The following TSHZ2 variants were observed in gnomAD, a reference collection of about 807,000 sequenced individuals.
TSHZ2 encodes the protein teashirt zinc finger homeobox 2, also known as teashirt homolog 2.
A neutral mutation model predicts 74.4 loss-of-function variants in TSHZ2; 21 were observed. The ratio of observed to expected loss-of-function variants is 0.28; its 90% CI spans 0.20 to 0.41. The LOEUF (loss-of-function observed/expected upper bound fraction) is 0.41. Ranked by LOEUF, TSHZ2 falls within the 10% of genes least tolerant of loss-of-function variation. The pLI, the probability that TSHZ2 is intolerant of heterozygous loss-of-function variation, is 1.00. For missense variants in TSHZ2, 1,244 were observed against 1,293.5 expected, an observed-to-expected ratio of 0.96 and a Z score of 0.59; for synonymous variants, 540 against 515.3, an observed-to-expected ratio of 1.05 and a Z score of -0.65.
intron 2 of TSHZ2, among the ~76,000 whole-genome samples, chr20:53,392,666 T>C (rs1003027200): frequency 1.3e-5 from 2 of 152,124 alleles, no homozygotes; most frequent in Non-Finnish European, 2.9e-5. Context: ...AATTCCAACA[T>C]GGATTCTTTT....
At chr20:53,458,995 T>G (rs1985234563) in intron 2 of TSHZ2, among the ~76,000 whole-genome samples, 1 of 152,182 alleles carries the variant, frequency 6.6e-6, no homozygotes, top group Non-Finnish European at 1.5e-5. Flanking sequence ...ATGTGGTCAA[T>G]TTTGGAATAG....
At position 53,254,458 on chromosome 20, in the gene TSHZ2, G is replaced by A. The variant is rs376802086; in HGVS notation, c.1000G>A (p.Asp334Asn). The A allele has an allele frequency of 1.9e-5, 30 of 1,613,674 alleles. No homozygotes were observed. Among genetic ancestry groups the A allele is most frequent in the Non-Finnish European group, 2.4e-5 (28 of 1,179,718 alleles). Residue 334 changes from aspartate (D) to asparagine (N), a missense_variant, in exon 2 of 3, where the codon GAT becomes AAT. By Grantham distance (23) the Asp-to-Asn change is conservative (BLOSUM62 1). Transcript: ENST00000371497. ...VFDVNRPCSP[D>N]STTGSFADSF... ...TGATGTCAATCGGCCGTGTTCCCCC[G>A]ATTCAACCACAGGATCTTTTGCAGA...
At chr20:53,384,280 T>C (rs1488118926) in intron 2 of TSHZ2, among the ~76,000 whole-genome samples, 1 of 152,152 alleles carries the variant, frequency 6.6e-6, no homozygotes, top group Non-Finnish European at 1.5e-5. Context: ...AAGGAAGACA[T>C]TCATTACTGA....
At chr20:53,057,330 C>A (rs1030185693) in intron 1 of TSHZ2, among the ~76,000 whole-genome samples, 15 of 152,072 alleles carry the variant, frequency 9.9e-5, no homozygotes, top group African/African-American at 3.6e-4. Context: ...TTGTGTTTGA[C>A]CGAACTTGAA....
intron 1 of TSHZ2, among the ~76,000 whole-genome samples, chr20:53,136,478 G>T (rs947594240): frequency 6.6e-6 from 1 of 152,190 alleles, no homozygotes; most frequent in African/African-American, 2.4e-5. Context: ...GCTACTTGCT[G>T]TATGTCAGGC....
chr20:53,006,136 A>C (rs1982635803), intron 1 of TSHZ2, among the ~76,000 whole-genome samples: 1 of 152,204 alleles, frequency 6.6e-6, no homozygotes, highest in South Asian at 2.1e-4. Context: ...GAAAAGTTGT[A>C]AGATGTTCAA....
At chr20:53,033,638 G>A (rs1415770918) in intron 1 of TSHZ2, among the ~76,000 whole-genome samples, 3 of 124,956 alleles carry the variant, frequency 2.4e-5, no homozygotes, top group Non-Finnish European at 3.3e-5. Context: ...CCTCTGCATT[G>A]ATTGATAAAA....
chr20:53,024,263 T>A (rs1211401628), intron 1 of TSHZ2, among the ~76,000 whole-genome samples: 1 of 151,922 alleles, frequency 6.6e-6, no homozygotes, highest in Non-Finnish European at 1.5e-5. Context: ...AAACTTGACG[T>A]TTTCAGGGGA....
chr20:53,224,841 C>T (rs1028802730), intron 1 of TSHZ2, among the ~76,000 whole-genome samples: 3 of 143,888 alleles, frequency 2.1e-5, no homozygotes, highest in African/African-American at 7.7e-5. Flanking sequence ...CAGAGCAAGA[C>T]TCCATCTCAA....
intron 2 of TSHZ2, among the ~76,000 whole-genome samples, chr20:53,271,818 GC>G (rs1990846395): frequency 6.6e-6 from 1 of 152,202 alleles, no homozygotes; most frequent in Non-Finnish European, 1.5e-5. Context: ...GTTTTGGGGA[GC>G]AGATGGCAGA....
At chr20:53,276,968 G>A (rs148331295) in intron 2 of TSHZ2, among the ~76,000 whole-genome samples, 80 of 152,312 alleles carry the variant, frequency 5.3e-4, no homozygotes, top group African/African-American at 1.8e-3. Context: ...GGTCCATCAG[G>A]ATGACCTATT....
At chr20:53,073,857 C>T (rs183583110) in intron 1 of TSHZ2, among the ~76,000 whole-genome samples, 45 of 152,162 alleles carry the variant, frequency 3.0e-4, no homozygotes, top group African/African-American at 1.0e-3. Context: ...TTTCCACTGA[C>T]CTCAGTGTTT....
intron 1 of TSHZ2, among the ~76,000 whole-genome samples, chr20:52,981,384 A>G (rs1177955983): frequency 6.6e-6 from 1 of 152,168 alleles, no homozygotes; most frequent in Non-Finnish European, 1.5e-5. Flanking sequence ...TCTGCCCTCC[A>G]CTTTCTAATC....
At chr20:53,261,760 A>G (rs1355033373) in intron 2 of TSHZ2, among the ~76,000 whole-genome samples, 1 of 152,190 alleles carries the variant, frequency 6.6e-6, no homozygotes, top group Non-Finnish European at 1.5e-5. Flanking sequence ...AACCAGATGC[A>G]ATTCTTTTTT....
At chr20:53,103,954 C>T (rs1419789685) in intron 1 of TSHZ2, among the ~76,000 whole-genome samples, 1 of 152,028 alleles carries the variant, frequency 6.6e-6, no homozygotes, top group Non-Finnish European at 1.5e-5. Context: ...ATGTCAGAGC[C>T]CAATTGATCT....
chr20:53,251,396 A>AT (rs1990328020), intron 1 of TSHZ2, among the ~76,000 whole-genome samples: 1 of 152,172 alleles, frequency 6.6e-6, no homozygotes, highest in African/African-American at 2.4e-5. Context: ...TTTGAATGGT[A>AT]TATCTATTTT....
chr20:53,314,384 A>C (rs750822833), intron 2 of TSHZ2, among the ~76,000 whole-genome samples: 1 of 152,024 alleles, frequency 6.6e-6, no homozygotes, highest in Admixed American at 6.6e-5. Flanking sequence ...CAAGCAGCAA[A>C]GGTTTGTTAT....
At chr20:53,167,791 G>A (rs1013401525) in intron 1 of TSHZ2, among the ~76,000 whole-genome samples, 38 of 152,194 alleles carry the variant, frequency 2.5e-4, no homozygotes, top group African/African-American at 8.4e-4. Context: ...CGCTCCCACT[G>A]GGTGGGGTAT....
intron 1 of TSHZ2, among the ~76,000 whole-genome samples, chr20:53,220,894 A>G (rs6123263): frequency 0.018 from 2,796 of 152,362 alleles, 44 homozygotes; most frequent in East Asian, 0.073. Context: ...AGCATCTGCT[A>G]AGCTCAGAGA....
Sources: allele counts gnomAD v4.1 joint callset (sites outside exome capture counted in the v4.1 genomes callset), GRCh38; gene constraint gnomAD v4.1.1; transcripts MANE v1.5; gene names NCBI Gene and HGNC (gene_info 2026-07-23, HGNC 2026-07-21).